The following CSPP1 variants were observed in gnomAD, a reference collection of about 807,000 sequenced individuals.
CSPP1 encodes the protein centrosome and spindle pole-associated protein 1.
CSPP1 carries 126 observed loss-of-function variants against 164.4 expected under a neutral mutation model. The ratio of observed to expected loss-of-function variants is 0.77; its 90% confidence interval spans 0.66 to 0.89. CSPP1 has a LOEUF of 0.89. CSPP1 is among the 40% of genes least tolerant of loss of function. The probability of loss-of-function intolerance (pLI) is 0.00; values close to 1 mark genes in which losing one functional copy is unlikely to be tolerated. For missense variants in CSPP1, 1,395 were observed against 1,449.8 expected (o/e 0.96, Z 0.61); for synonymous variants, 472 against 476.7 (o/e 0.99, Z 0.13).
chr8:67,171,461 TTA>T (rs1168604346), intron 24 of CSPP1, among the ~76,000 whole-genome samples: 2 of 152,086 alleles, frequency 1.3e-5, no homozygotes, highest in Non-Finnish European at 2.9e-5. Context: ...TGATCACAGC[TTA>T]TTGTAGCCTT....
At chr8:67,189,351 T>G (rs892573259) in intron 28 of CSPP1, among the ~76,000 whole-genome samples, 3 of 152,174 alleles carry the variant, frequency 2.0e-5, no homozygotes, top group Admixed American at 6.5e-5. Context: ...TTGCTAAAAC[T>G]TGGAAGCAGC....
At chr8:67,137,713 G>A (rs1313225026) in intron 17 of CSPP1, 110 bp downstream of exon 17, 7 of 530,754 alleles carry the variant, frequency 1.3e-5, no homozygotes, top group Admixed American at 7.8e-5. Flanking sequence ...AGCAACGCAT[G>A]TATGTAACTT....
chr8:67,185,537 C>G (rs7815839), intron 28 of CSPP1, among the ~76,000 whole-genome samples: 2,356 of 152,194 alleles, frequency 0.015, 54 homozygotes, highest in African/African-American at 0.052. Flanking sequence ...ATAACATCAC[C>G]AGTGGTCTGT....
At chr8:67,130,477 A>G (rs1821001529) in intron 15 of CSPP1, among the ~76,000 whole-genome samples, 1 of 152,188 alleles carries the variant, frequency 6.6e-6, no homozygotes, top group Non-Finnish European at 1.5e-5. Flanking sequence ...TTACACAAAG[A>G]GCCCCCTTGC....
chr8:67,150,049 G>T, intron 18 of CSPP1, 114 bp downstream of exon 18: 1 of 1,101,494 alleles, frequency 9.1e-7, no homozygotes, highest in Non-Finnish European at 1.2e-6. Flanking sequence ...TGGCTATCCT[G>T]ATACAGGAAA....
intron 28 of CSPP1, among the ~76,000 whole-genome samples, chr8:67,189,075 C>A (rs1311942327): frequency 6.6e-6 from 1 of 152,190 alleles, no homozygotes. Context: ...TGAGATACCA[C>A]CACATACCTG....
chr8:67,120,094 C>T (rs1253591971), intron 15 of CSPP1, among the ~76,000 whole-genome samples: 1 of 152,084 alleles, frequency 6.6e-6, no homozygotes, highest in Non-Finnish European at 1.5e-5. Context: ...TGTGGATATT[C>T]AGTTTTCTTA....
intron 24 of CSPP1, among the ~76,000 whole-genome samples, chr8:67,169,078 G>C (rs979546254): frequency 6.6e-6 from 1 of 152,090 alleles, no homozygotes; most frequent in Non-Finnish European, 1.5e-5. Flanking sequence ...ATCTTGTCTT[G>C]GTGCTTAGGG....
At chr8:67,116,166 T>G (rs368025681) in intron 13 of CSPP1, 44 bp downstream of exon 13, 2 of 1,374,788 alleles carry the variant, frequency 1.5e-6, no homozygotes, top group African/African-American at 1.4e-5. Flanking sequence ...GGTAAGGTAT[T>G]GCTATATTTT....
In CSPP1 at chr8:67,154,035, A is replaced by G; in HGVS notation, c.2140A>G (p.Thr714Ala). The change falls in exon 19 of 31, where the codon ACA becomes GCA. Residue 714 changes from threonine to alanine, a missense_variant. Thr to Ala is a moderately conservative substitution (Grantham distance 58, BLOSUM62 0). Transcript: ENST00000678616. ...AANKSSGHMQ[T>A]QSSPFARGNV... is the part of the protein sequence containing the mutation. ...ATATTTCTTTCAAGGTCATATGCAA[A>G]CACAGAGCTCTCCTTTTGCTCGGGG... is the stretch of plus-strand genomic sequence containing the variant. 1 of 1,588,354 alleles carries G rather than the reference A, an allele frequency of 6.3e-7. No individual in the cohort carries two copies. Among genetic ancestry groups the G allele is most frequent in the Non-Finnish European group, 8.6e-7 (1 of 1,157,970 alleles).
chr8:67,132,175 A>G (rs775312758), intron 16 of CSPP1, 95 bp downstream of exon 16: 6 of 1,226,832 alleles, frequency 4.9e-6, no homozygotes, highest in East Asian at 2.5e-5. Flanking sequence ...GGGAAAAAAA[A>G]CAGTTAATTA....
chr8:67,125,212 G>A (rs532195899), intron 15 of CSPP1, among the ~76,000 whole-genome samples: 1 of 152,060 alleles, frequency 6.6e-6, no homozygotes, highest in African/African-American at 2.4e-5. Context: ...TCTTAATTTA[G>A]CTTTCATTTT....
At chr8:67,166,914 G>T (rs545929378) in intron 24 of CSPP1, among the ~76,000 whole-genome samples, 53 of 152,238 alleles carry the variant, frequency 3.5e-4, no homozygotes, top group African/African-American at 1.2e-3. Context: ...AGATTAGGGA[G>T]TGGTGATGAC....
intron 15 of CSPP1, among the ~76,000 whole-genome samples, chr8:67,131,652 G>A (rs1441521952): frequency 6.6e-6 from 1 of 152,162 alleles, no homozygotes; most frequent in East Asian, 1.9e-4. Flanking sequence ...TGTTCAGGAA[G>A]CCGCCTAAGT....
At chr8:67,084,039 A>G (rs1208263586) in intron 3 of CSPP1, 3 of 152,166 alleles carry the variant, frequency 2.0e-5, no homozygotes, top group Non-Finnish European at 4.4e-5. Context: ...CCTTGCCTTC[A>G]TAGATTTTAT....
intron 15 of CSPP1, among the ~76,000 whole-genome samples, chr8:67,126,795 G>C (rs1266579477): frequency 6.6e-6 from 1 of 152,028 alleles, no homozygotes; most frequent in Non-Finnish European, 1.5e-5. Context: ...TCAGTCTTTT[G>C]CTTGCCCTGG....
chr8:67,080,727 C>G (rs1808973373), intron 3 of CSPP1, among the ~76,000 whole-genome samples: 1 of 152,198 alleles, frequency 6.6e-6, no homozygotes, highest in Admixed American at 6.5e-5. Flanking sequence ...AGTTTTATAG[C>G]ATAAGTATAC....
At chr8:67,069,416 A>C (rs933292158) in intron 1 of CSPP1, among the ~76,000 whole-genome samples, 1 of 152,132 alleles carries the variant, frequency 6.6e-6, no homozygotes, top group Non-Finnish European at 1.5e-5. Flanking sequence ...TGTACTTTTG[A>C]TTACTGTAAG....
Position 67,086,093 on chromosome 8 carries a change from A to G in CSPP1, c.286A>G (p.Arg96Gly). The change falls in exon 4 of 31, where the codon AGA (arginine) becomes GGA (glycine). Residue 96 changes from arginine (R) to glycine (G), a missense_variant. Transcript: ENST00000678616. ...KLKEELRQDYRRYLTQKNFLS... is the reference protein window; with the variant it reads ...KLKEELRQDYGRYLTQKNFLS... The stretch of plus-strand genomic sequence containing the variant: ...AAAAGAAGAATTGCGGCAAGATTAC[A>G]GACGTTATCTTACTCAGGTAATGAG... 7.1e-7 allele frequency: 1 copy of G among 1,412,946 alleles called. No homozygotes were observed. The highest frequency in any genetic ancestry group is 1.1e-5 in the South Asian group (1 of 87,034). 87.5% of individuals were successfully genotyped at this position (1,412,946 alleles called of 1,614,324 possible). A position where few individuals can be genotyped will look rare whatever the true frequency, so the allele number is the denominator to read the frequency against.
Sources: allele counts gnomAD v4.1 joint callset (sites outside exome capture counted in the v4.1 genomes callset), GRCh38; gene constraint gnomAD v4.1.1; transcripts MANE v1.5; gene names NCBI Gene and HGNC (gene_info 2026-07-23, HGNC 2026-07-21).